The following PALD1 variants were observed in gnomAD, a reference collection of about 807,000 sequenced individuals.
The protein encoded by PALD1 is phosphatase domain containing paladin 1, also known as paladin.
PALD1 carries 57 observed loss-of-function variants against 96.0 expected under a neutral mutation model. That is an observed-to-expected ratio of 0.59 (90% CI 0.48 to 0.74). PALD1 has a LOEUF of 0.74. Ranked by LOEUF, PALD1 falls within the 30% of genes least tolerant of loss-of-function variation. The pLI, the probability that PALD1 is intolerant of heterozygous loss-of-function variation, is 0.00. For missense variants in PALD1, 1,063 were observed against 1,143.7 expected (o/e 0.93, Z 1.02); for synonymous variants, 464 against 473.6 (o/e 0.98, Z 0.26).
In PALD1 at chr10:70,565,808, A is replaced by T. The variant is rs113878659; in HGVS notation, c.2419-773A>T. Among the ~76,000 whole-genome samples, 299 of 152,028 alleles carry T rather than the reference A, an allele frequency of 2.0e-3. 1 individual carries two copies. The highest frequency in any genetic ancestry group is 3.4e-3 in the Middle Eastern group (1 of 294). ...GGGGTGGAGGTGGAAGGGGATGAGG[A>T]CACTTCCTGCTTGGGTTCTGCTTGG... On this transcript the variant is annotated intron_variant, in intron 19 of 19. Coordinates refer to ENST00000263563, the MANE Select transcript of PALD1 (RefSeq NM_014431.3).
rs542279573 is a variant in PALD1, at chr10:70,482,044, C to T, written c.-30+2985C>T. Among the ~76,000 whole-genome samples the T allele has an allele frequency of 2.0e-5, 3 of 152,274 alleles. No homozygotes were observed. The South Asian group carries it at 6.2e-4, about 32-fold the overall frequency. ...TGGAGTGAGTGCTCAGTTGATGTGG[C>T]GGTGGGGGCCTTTGATTATGAGCCA... On this transcript the variant is annotated intron_variant, in intron 1 of 19. Coordinates refer to ENST00000263563, the MANE Select transcript of PALD1 (RefSeq NM_014431.3).
At chr10:70,523,579 T>A (rs935070681) in intron 1 of PALD1, among the ~76,000 whole-genome samples, 5 of 152,034 alleles carry the variant, frequency 3.3e-5, no homozygotes, top group Admixed American at 6.5e-5. Flanking sequence ...GAGCTGCCTA[T>A]TTTTCTGTTT....
Position 70,481,763 on chromosome 10 carries a change from C to T in PALD1, c.-30+2704C>T, listed in dbSNP as rs939237813. Among the ~76,000 whole-genome samples, 4 of 152,234 alleles carry T rather than the reference C, an allele frequency of 2.6e-5. No individual in the cohort carries two copies. The South Asian group carries it at 8.3e-4, about 32-fold the overall frequency. ...GAGCCACTGCCCTCTGGGGCGGGCT[C>T]CTTCTCTGCTAAGCCGTGGGCTTGC... On this transcript the variant is annotated intron_variant, in intron 1 of 19. Transcript: ENST00000263563.
At chr10:70,513,282 G>C (rs970303851) in intron 1 of PALD1, among the ~76,000 whole-genome samples, 4 of 152,090 alleles carry the variant, frequency 2.6e-5, no homozygotes, top group African/African-American at 9.7e-5. Flanking sequence ...ATCATTTGAG[G>C]TTAGGAGTTC....
At chr10:70,538,660 G>T (rs1847165420) in intron 12 of PALD1, among the ~76,000 whole-genome samples, 1 of 152,230 alleles carries the variant, frequency 6.6e-6, no homozygotes. Context: ...AGGGTTCTAT[G>T]ATCTTTGCCT....
chr10:70,538,326 A>G lies in PALD1; in HGVS notation c.1370A>G (p.His457Arg). 6.2e-7 allele frequency: 1 copy of G among 1,607,070 alleles called. No individual in the cohort carries two copies. Among genetic ancestry groups the G allele is most frequent in the Non-Finnish European group, 8.5e-7 (1 of 1,179,916 alleles). ...ALSFSRWLCA[H>R]PELYRLPVTL... ...AGTTTCAGCCGCTGGCTGTGTGCCC[A>G]CCCTGAGCTGTACCGCCTGCCCGTG... The change falls in exon 12 of 20, where the codon CAC becomes CGC. Residue 457 changes from histidine (H) to arginine (R), a missense_variant. Physicochemically the swap from His to Arg is conservative, Grantham distance 29. Coordinates refer to ENST00000263563, the MANE Select transcript of PALD1 (RefSeq NM_014431.3).
At chr10:70,532,850 T>C (rs571686428) in intron 6 of PALD1, 69 bp downstream of exon 6, 10 of 1,569,478 alleles carry the variant, frequency 6.4e-6, no homozygotes, top group Middle Eastern at 1.9e-4. Flanking sequence ...GCAGCCTCAG[T>C]TTCACCATCT....
In PALD1 at chr10:70,539,125, G is replaced by T. The variant is rs1237981872; in HGVS notation, c.1603G>T (p.Ala535Ser). ...GAGCATCCTGGCCTACCTGACGGACGCCAAGAGGAGGCTGCGGAAGGTTGT... is the reference window on the plus strand; with the variant it reads ...GAGCATCCTGGCCTACCTGACGGACTCCAAGAGGAGGCTGCGGAAGGTTGT... ...LGSILAYLTD[A>S]KRRLRKVVWV... The change falls in exon 14 of 20, where the codon GCC (alanine) becomes TCC (serine). Residue 535 changes from alanine (A) to serine (S), a missense_variant. Transcript: ENST00000263563. This position sits in a 1 kb window ranked among gnomAD's most constrained non-coding sequence, Gnocchi z 4.5. The T allele has an allele frequency of 6.2e-7, 1 of 1,613,874 alleles. No homozygotes were observed. The highest frequency in any genetic ancestry group is 1.1e-5 in the South Asian group (1 of 91,064).
chr10:70,466,348 C>T, the PALD1 span, among the ~76,000 whole-genome samples: 1 of 151,878 alleles, frequency 6.6e-6, no homozygotes, highest in Non-Finnish European at 1.5e-5. Flanking sequence ...TAGGTTCAAG[C>T]GATTCTCCTT....
rs1195092619 is a variant in PALD1, at chr10:70,564,478, G to A, written c.2377G>A (p.Ala793Thr). The change falls in exon 19 of 20, where the codon GCC (alanine) becomes ACC (threonine). Residue 793 changes from alanine (A) to threonine (T), a missense_variant. Ala to Thr is a moderately conservative substitution (Grantham distance 58). Transcript: ENST00000263563. ...LFNAYLHLEK[A>T]DSWQRPFSTW... The stretch of plus-strand genomic sequence containing the variant: ...CAACGCGTACCTCCACCTGGAGAAG[G>A]CCGACTCCTGGCAGAGGCCCTTCAG... The A allele has an allele frequency of 6.2e-7, 1 of 1,614,154 alleles. No individual in the cohort carries two copies. The highest frequency in any genetic ancestry group is 1.3e-5 in the African/African-American group (1 of 75,084).
At chr10:70,488,129 T>TC (rs919568525) in intron 1 of PALD1, among the ~76,000 whole-genome samples, 3 of 1,204 alleles carry the variant, frequency 2.5e-3, no homozygotes, top group African/African-American at 2.9e-3. Context: ...TTTCTCTCTC[T>TC]TTTTTTTTTT....
In PALD1 at chr10:70,540,936, A is replaced by T. The variant is rs1847228798; in HGVS notation, c.1909-166A>T. Reference sequence around the variant, plus strand: ...CACAGGTGCAGCTGTTTACACGCACATGGTCTCATGCACCCCGGTGAGTTT... The same window carrying T: ...CACAGGTGCAGCTGTTTACACGCACTTGGTCTCATGCACCCCGGTGAGTTT... On this transcript the variant is annotated intron_variant, in intron 15 of 19. Transcript: ENST00000263563. The surrounding 1 kb of genome is among the most constrained non-coding windows in gnomAD (Gnocchi z 4.2). Among the ~76,000 whole-genome samples, 1 of 152,218 alleles carries T rather than the reference A, an allele frequency of 6.6e-6. No individual in the cohort carries two copies. Among genetic ancestry groups the T allele is most frequent in the Non-Finnish European group, 1.5e-5 (1 of 68,036 alleles).
chr10:70,562,907 C>T (rs1160148088), intron 18 of PALD1, among the ~76,000 whole-genome samples: 2 of 152,022 alleles, frequency 1.3e-5, no homozygotes, highest in African/African-American at 2.4e-5. Context: ...CATGGAGAAC[C>T]TAGAAGGGAC....
intron 1 of PALD1, among the ~76,000 whole-genome samples, chr10:70,506,170 A>G (rs977865045): frequency 6.6e-6 from 1 of 152,200 alleles, no homozygotes; most frequent in African/African-American, 2.4e-5. Context: ...ATTCAGTGAA[A>G]CTAATCATTT....
At chr10:70,468,313 G>A in the PALD1 span, among the ~76,000 whole-genome samples, 9 of 152,050 alleles carry the variant, frequency 5.9e-5, no homozygotes, top group East Asian at 3.9e-4. Flanking sequence ...GCGCGATCTC[G>A]GCTCACTGCA....
the PALD1 span, among the ~76,000 whole-genome samples, chr10:70,458,544 G>T: frequency 1.3e-5 from 2 of 152,222 alleles, no homozygotes; most frequent in Non-Finnish European, 2.9e-5. Context: ...TGCGGAGCAA[G>T]AAGACCGAGG....
chr10:70,498,485 G>C (rs188042733), intron 1 of PALD1, among the ~76,000 whole-genome samples: 154 of 151,880 alleles, frequency 1.0e-3, no homozygotes, highest in Non-Finnish European at 1.8e-3. Flanking sequence ...ATCTTGTGTT[G>C]CCCAGGCTGG....
At chr10:70,464,931 A>G in the PALD1 span, among the ~76,000 whole-genome samples, 15 of 149,776 alleles carry the variant, frequency 1.0e-4, no homozygotes, top group Admixed American at 2.7e-4. Context: ...CCCGGCCTCT[A>G]TGTACACTTG....
At chr10:70,562,395 C>T (rs1380385603) in intron 18 of PALD1, among the ~76,000 whole-genome samples, 1 of 152,198 alleles carries the variant, frequency 6.6e-6, no homozygotes, top group Non-Finnish European at 1.5e-5. Flanking sequence ...GGTTGGGGAC[C>T]ACAGGCCCTG....
Sources: gnomAD v4.1 joint callset for allele counts (sites outside exome capture counted in the v4.1 genomes callset) on GRCh38, gnomAD v4.1.1 for gene constraint, Gnocchi (gnomAD v3.1) non-coding constraint, MANE v1.5 for transcripts, NCBI Gene and HGNC (gene_info 2026-07-23, HGNC 2026-07-21) for gene names.